RAB28: variants seen among roughly 807,000 people sequenced by gnomAD.
RAB28 encodes the protein RAB28, member RAS oncogene family.
Under a neutral mutation model 31.7 loss-of-function variants are expected in RAB28, and 24 were observed. The ratio of observed to expected loss-of-function variants is 0.76; its 90% CI spans 0.55 to 1.06. The LOEUF (loss-of-function observed/expected upper bound fraction) is 1.06. Among genes scored for constraint, RAB28 ranks in the 50% least tolerant of loss-of-function variants. The pLI, the probability that RAB28 is intolerant of heterozygous loss-of-function variation, is 0.00. For missense variants in RAB28, 254 were observed against 258.5 expected (o/e 0.98, Z 0.12); for synonymous variants, 100 against 90.4 (o/e 1.11, Z -0.60).
intron 4 of RAB28, among the ~76,000 whole-genome samples, chr4:13,428,613 T>A (rs1262460868): frequency 6.6e-6 from 1 of 152,122 alleles, no homozygotes; most frequent in East Asian, 1.9e-4. Flanking sequence ...CGGTTGAGAT[T>A]ATAGTCTAAG....
chr4:13,472,842 TAAATA>T (rs1219644180), intron 3 of RAB28, among the ~76,000 whole-genome samples: 1 of 151,478 alleles, frequency 6.6e-6, no homozygotes, highest in Admixed American at 6.6e-5. Flanking sequence ...AATAAATAAA[TAAATA>T]AAACAAAAAA....
chr4:13,383,458 G>A (rs1729221161), intron 4 of RAB28, among the ~76,000 whole-genome samples: 3 of 151,724 alleles, frequency 2.0e-5, no homozygotes, highest in South Asian at 2.1e-4. Flanking sequence ...GGAAAGACTA[G>A]TAGTACCATT....
intron 4 of RAB28, among the ~76,000 whole-genome samples, chr4:13,429,033 C>A (rs1473173104): frequency 6.6e-6 from 1 of 151,746 alleles, no homozygotes; most frequent in Admixed American, 6.6e-5. Context: ...CAACCTCCAC[C>A]TCCCAGGTTC....
intron 3 of RAB28, among the ~76,000 whole-genome samples, chr4:13,464,394 C>A (rs1477452360): frequency 1.3e-5 from 2 of 152,090 alleles, no homozygotes; most frequent in Admixed American, 1.3e-4. Context: ...AAGGGAAGTT[C>A]CCAACTCCAG....
chr4:13,396,611 AC>A (rs1032020587), intron 4 of RAB28, among the ~76,000 whole-genome samples: 33 of 152,078 alleles, frequency 2.2e-4, no homozygotes, highest in Non-Finnish European at 3.1e-4. Flanking sequence ...TGTTCCACAA[AC>A]AGATGAAGAA....
At chr4:13,472,586 A>C (rs1036335816) in intron 3 of RAB28, among the ~76,000 whole-genome samples, 1 of 151,826 alleles carries the variant, frequency 6.6e-6, no homozygotes, top group African/African-American at 2.4e-5. Context: ...TACACCTATA[A>C]ATCATAAAAG....
chr4:13,428,540 A>G (rs1356783452), intron 4 of RAB28, among the ~76,000 whole-genome samples: 1 of 152,232 alleles, frequency 6.6e-6, no homozygotes, highest in Non-Finnish European at 1.5e-5. Flanking sequence ...GAAAGTTTTA[A>G]AGAGAGGCTC....
chr4:13,449,474 A>G (rs188094879), intron 4 of RAB28, among the ~76,000 whole-genome samples: 97 of 152,064 alleles, frequency 6.4e-4, no homozygotes, highest in African/African-American at 2.2e-3. Flanking sequence ...TTATTTTACT[A>G]ATACATTTTC....
At chr4:13,432,132 G>A (rs79757897) in intron 4 of RAB28, among the ~76,000 whole-genome samples, 3 of 152,152 alleles carry the variant, frequency 2.0e-5, no homozygotes, top group African/African-American at 4.8e-5. Flanking sequence ...TTAACTACAG[G>A]ATTTTCAAAA....
intron 4 of RAB28, among the ~76,000 whole-genome samples, chr4:13,413,541 G>GA (rs148872389): frequency 6.6e-6 from 1 of 151,812 alleles, no homozygotes; most frequent in South Asian, 2.1e-4. Flanking sequence ...TACCCGCAGA[G>GA]AAAAAAGCAT....
chr4:13,460,190 T>C (rs1433611709), intron 4 of RAB28, among the ~76,000 whole-genome samples: 5 of 152,206 alleles, frequency 3.3e-5, no homozygotes, highest in African/African-American at 1.2e-4. Context: ...ACAAATGGCA[T>C]AGACTATGGC....
chr4:13,428,560 T>A (rs896229235), intron 4 of RAB28, among the ~76,000 whole-genome samples: 4 of 152,166 alleles, frequency 2.6e-5, no homozygotes, highest in African/African-American at 9.7e-5. Context: ...CAACAGCAGA[T>A]TCTAGAATGC....
chr4:13,479,811 T>C lies in RAB28; in HGVS notation c.76-285A>G, dbSNP rs551306951. ...GCTGAAAATTAGAATTTGAGAGTTA[T>C]CAACAGAAAAAAAAACTAAAAAATA... On this transcript the variant is annotated intron_variant, in intron 1 of 6. Coordinates refer to ENST00000330852, the MANE Select transcript of RAB28 (RefSeq NM_001017979.3). Among the ~76,000 whole-genome samples, 26 of 151,082 alleles carry C rather than the reference T, an allele frequency of 1.7e-4. No individual in the cohort carries two copies. In the Middle Eastern group the frequency reaches 0.01, roughly 61 times the overall value.
chr4:13,396,285 C>T (rs1415881391), intron 4 of RAB28, among the ~76,000 whole-genome samples: 1 of 152,054 alleles, frequency 6.6e-6, no homozygotes, highest in East Asian at 1.9e-4. Flanking sequence ...AAACAAACGA[C>T]TTGTCACATT....
chr4:13,434,225 C>T (rs1328752063), intron 4 of RAB28, among the ~76,000 whole-genome samples: 1 of 152,136 alleles, frequency 6.6e-6, no homozygotes, highest in Non-Finnish European at 1.5e-5. Context: ...CAATCAGTAC[C>T]TGGGTGATGG....
chr4:13,436,518 C>A (rs949199048), intron 4 of RAB28, among the ~76,000 whole-genome samples: 2 of 152,068 alleles, frequency 1.3e-5, no homozygotes, highest in Admixed American at 1.3e-4. Context: ...TTTCAGGATA[C>A]AAAATCAATG....
At chr4:13,465,752 T>TGAAC (rs958143057) in intron 3 of RAB28, among the ~76,000 whole-genome samples, 4 of 130,986 alleles carry the variant, frequency 3.1e-5, no homozygotes, top group African/African-American at 1.4e-4. Flanking sequence ...AAGGCAATCA[T>TGAAC]GAACACACAC....
intron 4 of RAB28, among the ~76,000 whole-genome samples, chr4:13,388,540 A>T (rs566950577): frequency 1.3e-5 from 2 of 152,154 alleles, no homozygotes; most frequent in African/African-American, 4.8e-5. Flanking sequence ...AAACTTAAAA[A>T]TTTTCGTGTA....
At chr4:13,369,841 C>T in intron 6 of RAB28, 1 of 1,586,990 alleles carries the variant, frequency 6.3e-7, no homozygotes. Context: ...TTCCCACCTC[C>T]CCAAACTGTA....
Sources: allele counts gnomAD v4.1 joint callset (sites outside exome capture counted in the v4.1 genomes callset), GRCh38; gene constraint gnomAD v4.1.1; transcripts MANE v1.5; gene names NCBI Gene and HGNC (gene_info 2026-07-23, HGNC 2026-07-21).